SLC44A1: variants seen among roughly 807,000 people sequenced by gnomAD.
SLC44A1 encodes the protein solute carrier family 44 member 1, also known as choline transporter-like protein 1.
Under a neutral mutation model 79.3 loss-of-function variants are expected in SLC44A1, and 26 were observed. The ratio of observed to expected loss-of-function variants is 0.33; its 90% CI spans 0.24 to 0.46. The LOEUF (loss-of-function observed/expected upper bound fraction) is 0.46, where lower values mean the gene tolerates loss of function less well. Ranked by LOEUF, SLC44A1 falls within the 20% of genes least tolerant of loss-of-function variation. The pLI is 1.00. For synonymous variants in SLC44A1, 263 were observed against 286.2 expected (o/e 0.92, Z 0.82); for missense variants, 688 against 798.1 (o/e 0.86, Z 1.66).
At chr9:105,338,656 C>T (rs970219574) in intron 4 of SLC44A1, among the ~76,000 whole-genome samples, 2 of 152,182 alleles carry the variant, frequency 1.3e-5, no homozygotes, top group African/African-American at 4.8e-5. Context: ...TTAAGCGATC[C>T]TCCCTCCTCG....
In SLC44A1 at chr9:105,393,729, G is replaced by A; in HGVS notation, c.*4673G>A. On this transcript the variant is annotated 3_prime_UTR_variant, in exon 16 of 16. Transcript: ENST00000374720. Reference sequence around the variant, plus strand: ...TGCCACTTTGTAAATTATATGGACAGAATGTGTTCTAAGGAAATTCGTTAG... The same window carrying A: ...TGCCACTTTGTAAATTATATGGACAAAATGTGTTCTAAGGAAATTCGTTAG... The A allele has an allele frequency of 4.1e-6, 4 of 984,896 alleles. No individual in the cohort carries two copies. Among genetic ancestry groups the A allele is most frequent in the Non-Finnish European group, 4.8e-6 (4 of 829,448 alleles). The allele number at this position is 984,896 out of a possible 1,614,324, so 61.0% of individuals were successfully genotyped here.
intron 4 of SLC44A1, among the ~76,000 whole-genome samples, chr9:105,336,374 G>T (rs1270305962): frequency 6.6e-6 from 1 of 152,082 alleles, no homozygotes; most frequent in Non-Finnish European, 1.5e-5. Flanking sequence ...AAAGATAGAG[G>T]AATTAGCTGA....
At chr9:105,354,000 CA>C (rs1218817619) in intron 5 of SLC44A1, among the ~76,000 whole-genome samples, 1 of 144,234 alleles carries the variant, frequency 6.9e-6, no homozygotes. Flanking sequence ...GTTTCTGTCA[CA>C]CATCAGCTTC....
At chr9:105,407,349 C>A (rs542224041) in intron 15 of SLC44A1, among the ~76,000 whole-genome samples, 1 of 148,468 alleles carries the variant, frequency 6.7e-6, no homozygotes, top group African/African-American at 2.5e-5. Flanking sequence ...ATAAAATAAA[C>A]CTAAAGAGAT....
chr9:105,272,672 A>T (rs886508251), intron 1 of SLC44A1, among the ~76,000 whole-genome samples: 47 of 152,258 alleles, frequency 3.1e-4, no homozygotes, highest in African/African-American at 1.1e-3. Flanking sequence ...TGGAATTAGA[A>T]CACAGGTCTT....
Position 105,389,135 on chromosome 9 carries a change from G to A in SLC44A1, c.*79G>A. On this transcript the variant is annotated 3_prime_UTR_variant, in exon 16 of 16. Coordinates refer to ENST00000374720, the MANE Select transcript of SLC44A1 (RefSeq NM_080546.5). The stretch of plus-strand genomic sequence containing the variant: ...TAACTATGTATTTGTGTGTGTGGGT[G>A]TGTGTATATATGTATATGTATGTGT... 1 of 1,579,692 alleles carries A rather than the reference G, an allele frequency of 6.3e-7. No individual in the cohort carries two copies. The highest frequency in any genetic ancestry group is 1.1e-5 in the South Asian group (1 of 90,168).
intron 2 of SLC44A1, among the ~76,000 whole-genome samples, chr9:105,301,323 A>C (rs1830873665): frequency 6.6e-6 from 1 of 152,252 alleles, no homozygotes; most frequent in African/African-American, 2.4e-5. Context: ...AATGGTAATT[A>C]ATATAATGTT....
chr9:105,405,450 C>A (rs1244830748), intron 15 of SLC44A1, among the ~76,000 whole-genome samples: 1 of 152,016 alleles, frequency 6.6e-6, no homozygotes, highest in Non-Finnish European at 1.5e-5. Flanking sequence ...TTACCAAATT[C>A]TAGAATCTAA....
At chr9:105,358,896 A>C (rs753796872) in intron 7 of SLC44A1, among the ~76,000 whole-genome samples, 3 of 152,118 alleles carry the variant, frequency 2.0e-5, no homozygotes, top group African/African-American at 7.2e-5. Context: ...TGTTTTCAGA[A>C]AATATTCTTT....
At chr9:105,266,803 C>T (rs1419819199) in intron 1 of SLC44A1, among the ~76,000 whole-genome samples, 5 of 152,126 alleles carry the variant, frequency 3.3e-5, no homozygotes, top group African/African-American at 1.2e-4. Context: ...TTTGCCTTCC[C>T]CTATACATTT....
chr9:105,386,388 ACAATGTGTCCCCTGACTG>A lies in SLC44A1; in HGVS notation c.1950+889_1950+906del, dbSNP rs1390018498. On this transcript the variant is annotated intron_variant, in intron 15 of 15. Transcript: ENST00000374720. ...TGTCTGCATCCTTAAATAATTTTAAACAATGTGTCCCCTGACTGCATATAATGTTCAAAAGTGTGAGGT... is the reference window on the plus strand; with the variant it reads ...TGTCTGCATCCTTAAATAATTTTAAACATATAATGTTCAAAAGTGTGAGGT... 5 of 975,814 alleles carry A rather than the reference ACAATGTGTCCCCTGACTG, an allele frequency of 5.1e-6. No homozygotes were observed. In the African/African-American group the frequency reaches 8.8e-5, roughly 17 times the overall value. The allele number at this position is 975,814 out of a possible 1,614,324, so 60.4% of individuals were successfully genotyped here.
At chr9:105,356,467 G>A in intron 6 of SLC44A1, 86 bp downstream of exon 6, 2 of 842,506 alleles carry the variant, frequency 2.4e-6, no homozygotes, top group Non-Finnish European at 3.6e-6. Context: ...AATACAACTG[G>A]GGATACTTGT....
intron 3 of SLC44A1, among the ~76,000 whole-genome samples, chr9:105,317,957 G>A (rs889232723): frequency 2.0e-5 from 3 of 152,006 alleles, no homozygotes; most frequent in African/African-American, 7.3e-5. Context: ...TTTGCTTTGA[G>A]GGAAAGCACT....
chr9:105,392,401 CTCTTTTT>C lies in SLC44A1; in HGVS notation c.*3347_*3353del, dbSNP rs1200955525. ...TTGTAGAGATGCTCTCTCTCTCTCT[CTCTTTTT>C]TTTTTTTTTTTTTTTTTTTTTTCCG... is the stretch of plus-strand genomic sequence containing the variant. On this transcript the variant is annotated 3_prime_UTR_variant, in exon 16 of 16. Transcript: ENST00000374720. 168 of 318,754 alleles carry C rather than the reference CTCTTTTT, an allele frequency of 5.3e-4. No homozygotes were observed. Among genetic ancestry groups the C allele is most frequent in the Admixed American group, 3.0e-3 (9 of 2,982 alleles). The allele number at this position is 318,754 out of a possible 1,614,324, so 19.7% of individuals were successfully genotyped here.
chr9:105,378,716 T>G (rs1223230510), intron 13 of SLC44A1, among the ~76,000 whole-genome samples: 1 of 152,186 alleles, frequency 6.6e-6, no homozygotes, highest in Non-Finnish European at 1.5e-5. Context: ...ATAAATGTTC[T>G]TTAGTTTTTC....
exon 16 of SLC44A1, chr9:105,438,468 G>A (rs1319957844): frequency 1.5e-5 from 8 of 550,604 alleles, no homozygotes; most frequent in Admixed American, 3.3e-5. Context: ...GGTACAGTGC[G>A]GCTGTCTAAT....
chr9:105,267,133 T>C (rs1314748465), intron 1 of SLC44A1, among the ~76,000 whole-genome samples: 2 of 152,328 alleles, frequency 1.3e-5, no homozygotes, highest in East Asian at 1.9e-4. Flanking sequence ...ATGTCACATA[T>C]GTAATAGTTG....
intron 15 of SLC44A1, among the ~76,000 whole-genome samples, chr9:105,404,002 A>T (rs777838839): frequency 3.0e-4 from 46 of 151,946 alleles, no homozygotes; most frequent in Non-Finnish European, 4.6e-4. Flanking sequence ...AATTACCCTG[A>T]CAACAGTGGG....
chr9:105,331,791 G>A (rs1285654246), intron 3 of SLC44A1, among the ~76,000 whole-genome samples: 1 of 152,194 alleles, frequency 6.6e-6, no homozygotes, highest in African/African-American at 2.4e-5. Flanking sequence ...GTGCAGAATG[G>A]AAACAGTGAA....
Sources: gnomAD v4.1 joint callset for allele counts (sites outside exome capture counted in the v4.1 genomes callset) on GRCh38, gnomAD v4.1.1 for gene constraint, MANE v1.5 for transcripts, NCBI Gene and HGNC (gene_info 2026-07-23, HGNC 2026-07-21) for gene names.